PICALM: variants seen among roughly 807,000 people sequenced by gnomAD.
PICALM encodes phosphatidylinositol binding clathrin assembly protein, also known as phosphatidylinositol-binding clathrin assembly protein.
A neutral mutation model predicts 80.5 loss-of-function variants in PICALM; 40 were observed. That is an observed-to-expected ratio of 0.50 (90% CI 0.39 to 0.65). The LOEUF is 0.65. Ranked by LOEUF, PICALM falls within the 30% of genes least tolerant of loss-of-function variation. PICALM has a pLI of 0.00. For synonymous variants in PICALM, 288 were observed against 260.3 expected, an observed-to-expected ratio of 1.11 and a Z score of -1.02; for missense variants, 676 against 778.9, an observed-to-expected ratio of 0.87 and a Z score of 1.57.
intron 2 of PICALM, among the ~76,000 whole-genome samples, chr11:86,028,300 A>G (rs1028248460): frequency 6.6e-6 from 1 of 152,184 alleles, no homozygotes; most frequent in African/African-American, 2.4e-5. Flanking sequence ...GATTATCCTA[A>G]ACCTTCATTT....
chr11:86,033,094 G>T (rs2095787044), intron 1 of PICALM, among the ~76,000 whole-genome samples: 1 of 152,162 alleles, frequency 6.6e-6, no homozygotes, highest in African/African-American at 2.4e-5. Flanking sequence ...GGATATGCAT[G>T]CTTCAACTTC....
chr11:86,019,063 C>A (rs1031657624), intron 4 of PICALM, among the ~76,000 whole-genome samples: 1 of 152,044 alleles, frequency 6.6e-6, no homozygotes, highest in Non-Finnish European at 1.5e-5. Flanking sequence ...AGGTTAGACA[C>A]ACTAAAATGT....
Position 86,035,947 on chromosome 11 carries a change from C to CAAA in PICALM, c.131-4339_131-4337dup, listed in dbSNP as rs543040504. On this transcript the variant is annotated intron_variant, in intron 1 of 19. Transcript: ENST00000393346. The stretch of plus-strand genomic sequence containing the variant: ...TGGCCTACAGAGCGAGACTCTGCCT[C>CAAA]AAAAAAAAAAAAAAAAAAGAAAAAA... 7.0e-3 allele frequency among the ~76,000 whole-genome samples: 467 copies of CAAA among 66,392 alleles called. 9 individuals are homozygous for CAAA. The highest frequency in any genetic ancestry group is 8.9e-3 in the Non-Finnish European group (306 of 34,426). 43.6% of individuals were successfully genotyped at this position (66,392 alleles called of 152,430 possible). A position where few individuals can be genotyped will look rare whatever the true frequency, so the allele number is the denominator to read the frequency against.
intron 19 of PICALM, chr11:85,969,568 T>G (rs577605101): frequency 7.5e-6 from 2 of 267,558 alleles, no homozygotes; most frequent in East Asian, 2.4e-4. Context: ...TTAAGAAAAA[T>G]CTTTTGGTTT....
chr11:86,022,388 T>C lies in PICALM; in HGVS notation c.431A>G (p.Asp144Gly). Residue 144 changes from aspartate to glycine, a missense_variant, in exon 4 of 20, where the codon GAT becomes GGT. Coordinates refer to ENST00000393346, the MANE Select transcript of PICALM (RefSeq NM_007166.4). ...KAVSYRQVAF[D>G]FTKVKRGADG... ...TCACCCTCTCTTCACTTTTGTGAAA[T>C]CAAATGCAACTTGTCTGTATGAAAC... The C allele has an allele frequency of 6.3e-7, 1 of 1,581,900 alleles. No individual in the cohort carries two copies.
At chr11:85,959,759 G>A (rs1431329933) in intron 19 of PICALM, among the ~76,000 whole-genome samples, 3 of 151,882 alleles carry the variant, frequency 2.0e-5, no homozygotes, top group Non-Finnish European at 4.4e-5. Context: ...TTTGGGTGGG[G>A]GTAGAGACTA....
At chr11:86,035,342 C>A (rs2095822295) in intron 1 of PICALM, among the ~76,000 whole-genome samples, 1 of 152,162 alleles carries the variant, frequency 6.6e-6, no homozygotes, top group Admixed American at 6.5e-5. Flanking sequence ...GCAAGTCAGG[C>A]AACCCAGCCA....
intron 13 of PICALM, among the ~76,000 whole-genome samples, chr11:85,985,018 C>G (rs1052972025): frequency 6.6e-6 from 1 of 152,132 alleles, no homozygotes; most frequent in Non-Finnish European, 1.5e-5. Context: ...TCTTCCTTTT[C>G]TAAATTCTAC....
intron 8 of PICALM, among the ~76,000 whole-genome samples, chr11:86,005,406 A>C (rs1434549084): frequency 6.6e-6 from 1 of 152,198 alleles, no homozygotes; most frequent in East Asian, 1.9e-4. Flanking sequence ...TCCACACGAC[A>C]AAGAGTGAGG....
intron 2 of PICALM, among the ~76,000 whole-genome samples, chr11:86,028,924 G>A (rs1470935896): frequency 2.0e-5 from 3 of 149,078 alleles, no homozygotes; most frequent in Non-Finnish European, 3.0e-5. Flanking sequence ...TGCAACCTCC[G>A]CTTCCCAGGT....
intron 19 of PICALM, among the ~76,000 whole-genome samples, chr11:85,966,864 C>A (rs1380062675): frequency 1.3e-5 from 2 of 152,188 alleles, no homozygotes; most frequent in Non-Finnish European, 2.9e-5. Flanking sequence ...CTACCAAAAG[C>A]TGGAAAAGCC....
chr11:85,966,733 T>C (rs1592323214), intron 19 of PICALM, among the ~76,000 whole-genome samples: 1 of 152,186 alleles, frequency 6.6e-6, no homozygotes, highest in East Asian at 1.9e-4. Flanking sequence ...GGAGTGACCC[T>C]AATTTGATGA....
chr11:85,966,537 A>G (rs890364170), intron 19 of PICALM, among the ~76,000 whole-genome samples: 1 of 152,242 alleles, frequency 6.6e-6, no homozygotes, highest in African/African-American at 2.4e-5. Flanking sequence ...CAGGTAAGGA[A>G]ACTAAGGCTC....
intron 5 of PICALM, among the ~76,000 whole-genome samples, chr11:86,013,584 T>G (rs540576853): frequency 6.6e-6 from 1 of 152,060 alleles, no homozygotes; most frequent in East Asian, 1.9e-4. Context: ...AATAAACATC[T>G]ATCAACAGGA....
chr11:85,989,856 T>C (rs1414049329), intron 13 of PICALM, among the ~76,000 whole-genome samples: 3 of 151,904 alleles, frequency 2.0e-5, no homozygotes, highest in Non-Finnish European at 2.9e-5. Flanking sequence ...CCACCCTCTC[T>C]CCCAAGCACA....
chr11:86,053,044 C>A (rs1052333040), intron 1 of PICALM, among the ~76,000 whole-genome samples: 1 of 152,176 alleles, frequency 6.6e-6, no homozygotes, highest in Non-Finnish European at 1.5e-5. Context: ...TTTTTAACAT[C>A]ATTTGATCTG....
chr11:86,015,031 C>CT, intron 4 of PICALM, 68 bp from the exon 5 acceptor site: 1 of 914,782 alleles, frequency 1.1e-6, no homozygotes, highest in Non-Finnish European at 1.7e-6. Flanking sequence ...AAACTCCCCC[C>CT]CTGGTTTTCT....
At position 85,958,931 on chromosome 11, in the gene PICALM, T is replaced by C; in HGVS notation, c.*115A>G. 2.9e-6 allele frequency: 2 copies of C among 691,674 alleles called. No homozygotes were observed. Among genetic ancestry groups the C allele is most frequent in the Non-Finnish European group, 5.0e-6 (2 of 403,366 alleles). The allele number at this position is 691,674 out of a possible 1,614,324, so 42.8% of individuals were successfully genotyped here. A position where few individuals can be genotyped will look rare whatever the true frequency, so the allele number is the denominator to read the frequency against. On this transcript the variant is annotated 3_prime_UTR_variant, in exon 20 of 20. Transcript: ENST00000393346. ...CACTGAGTTACTTGTAGCATTCTAA[T>C]GGAAGAAGAGAGTTTAAGAGATTTA... is the stretch of plus-strand genomic sequence containing the variant.
At chr11:85,992,087 ATCC>A (rs990087858) in intron 12 of PICALM, among the ~76,000 whole-genome samples, 1 of 152,154 alleles carries the variant, frequency 6.6e-6, no homozygotes, top group African/African-American at 2.4e-5. Flanking sequence ...GACTCAAGCA[ATCC>A]TCCTGCCTTG....
Sources: gnomAD v4.1 joint callset for allele counts (sites outside exome capture counted in the v4.1 genomes callset) on GRCh38, gnomAD v4.1.1 for gene constraint, MANE v1.5 for transcripts, NCBI Gene and HGNC (gene_info 2026-07-23, HGNC 2026-07-21) for gene names.